The following PIK3C2G variants were observed in gnomAD, a reference collection of about 807,000 sequenced individuals.
The protein encoded by PIK3C2G is phosphatidylinositol 3-kinase C2 domain-containing subunit gamma.
In PIK3C2G, 168 loss-of-function variants were observed where a neutral mutation model predicts 181.1. That is an observed-to-expected ratio of 0.93 (90% CI 0.82 to 1.05). The LOEUF (loss-of-function observed/expected upper bound fraction) is 1.05. Among genes scored for constraint, PIK3C2G ranks in the 50% least tolerant of loss-of-function variants. The pLI, the probability that PIK3C2G is intolerant of heterozygous loss-of-function variation, is 0.00. For synonymous variants in PIK3C2G, 573 were observed against 592.2 expected (o/e 0.97, Z 0.47); for missense variants, 1,869 against 1,732.8 (o/e 1.08, Z -1.40).
intron 1 of PIK3C2G, among the ~76,000 whole-genome samples, chr12:18,270,786 C>T (rs545338378): frequency 9.5e-4 from 145 of 151,842 alleles, no homozygotes; most frequent in African/African-American, 3.5e-3. Flanking sequence ...ACTAACATAC[C>T]AACTCCTTCT....
chr12:18,361,604 C>T (rs891037069), intron 11 of PIK3C2G, among the ~76,000 whole-genome samples: 1 of 151,700 alleles, frequency 6.6e-6, no homozygotes, highest in African/African-American at 2.4e-5. Flanking sequence ...CATATGAGCA[C>T]ATCTTCACTC....
At chr12:18,483,696 A>T (rs1194612870) in intron 18 of PIK3C2G, among the ~76,000 whole-genome samples, 1 of 152,006 alleles carries the variant, frequency 6.6e-6, no homozygotes, top group East Asian at 1.9e-4. Context: ...GAGAATGTTT[A>T]AAAAAATGTG....
At chr12:18,701,380 ATAGAC>A in the PIK3C2G span, 15 of 1,517,332 alleles carry the variant, frequency 9.9e-6, no homozygotes, top group African/African-American at 8.4e-5. Flanking sequence ...ATTGTAAATG[ATAGAC>A]TAGAGTTTTT....
intron 23 of PIK3C2G, among the ~76,000 whole-genome samples, chr12:18,504,771 A>G (rs1941713716): frequency 6.6e-6 from 1 of 152,246 alleles, no homozygotes; most frequent in South Asian, 2.1e-4. Context: ...GTACTATACC[A>G]AACAGCTTCA....
rs76369221 is a variant in PIK3C2G at position 18,357,970 on chromosome 12, T to G, written c.1626-4794T>G. On this transcript the variant is annotated intron_variant, in intron 11 of 32. Transcript: ENST00000538779. ...TGAATAATATATCATTGTATGTATA[T>G]ACCATGTTTTCTTCATCTATTCACC... Among the ~76,000 whole-genome samples, 28 of 152,372 alleles carry G rather than the reference T, an allele frequency of 1.8e-4. No individual in the cohort carries two copies. The East Asian group carries it at 4.4e-3, about 24-fold the overall frequency.
chr12:18,252,345 G>A (rs924607741), intron 1 of PIK3C2G, among the ~76,000 whole-genome samples: 1 of 152,034 alleles, frequency 6.6e-6, no homozygotes, highest in Non-Finnish European at 1.5e-5. Context: ...ACCCAAGACC[G>A]CATAATCCAA....
chr12:18,602,931 A>G (rs571122398), intron 30 of PIK3C2G, among the ~76,000 whole-genome samples: 42 of 152,298 alleles, frequency 2.8e-4, no homozygotes, highest in Admixed American at 4.6e-4. Flanking sequence ...AAGGAACCAG[A>G]AAACCAACCC....
intron 1 of PIK3C2G, among the ~76,000 whole-genome samples, chr12:18,270,920 A>G (rs1244078744): frequency 6.6e-6 from 1 of 152,176 alleles, no homozygotes; most frequent in East Asian, 1.9e-4. Flanking sequence ...TCAATTTGTA[A>G]AATATACAGT....
At chr12:18,617,361 C>T (rs1286542344) in intron 31 of PIK3C2G, among the ~76,000 whole-genome samples, 2 of 152,094 alleles carry the variant, frequency 1.3e-5, no homozygotes, top group African/African-American at 4.8e-5. Context: ...GGTTTTTTGT[C>T]TTCAGTTTCA....
chr12:18,473,496 C>G (rs1027018962), intron 18 of PIK3C2G, among the ~76,000 whole-genome samples: 1 of 152,278 alleles, frequency 6.6e-6, no homozygotes, highest in East Asian at 1.9e-4. Context: ...ATGTCTGCTA[C>G]TTCTTTGCCT....
intron 11 of PIK3C2G, among the ~76,000 whole-genome samples, chr12:18,348,891 C>G (rs981250286): frequency 1.3e-5 from 2 of 152,144 alleles, no homozygotes; most frequent in Admixed American, 1.3e-4. Flanking sequence ...AAACTGTTGA[C>G]TGAGACCACA....
intron 6 of PIK3C2G, among the ~76,000 whole-genome samples, chr12:18,315,975 T>C (rs1443577545): frequency 1.3e-5 from 2 of 151,820 alleles, no homozygotes; most frequent in Non-Finnish European, 2.9e-5. Context: ...GCATGATCGG[T>C]GATTAATAAC....
At chr12:18,574,441 A>G (rs759637825) in intron 29 of PIK3C2G, among the ~76,000 whole-genome samples, 6 of 152,184 alleles carry the variant, frequency 3.9e-5, no homozygotes, top group Non-Finnish European at 7.4e-5. Flanking sequence ...TAAAATGCCT[A>G]TTATCAAGTT....
At chr12:18,641,564 T>C (rs1294267946) in intron 32 of PIK3C2G, among the ~76,000 whole-genome samples, 2 of 152,114 alleles carry the variant, frequency 1.3e-5, no homozygotes, top group Non-Finnish European at 2.9e-5. Flanking sequence ...CTCATTTTCC[T>C]TCATTGTTAT....
chr12:18,383,990 T>TA (rs1459683709), intron 14 of PIK3C2G, among the ~76,000 whole-genome samples: 5 of 136,644 alleles, frequency 3.7e-5, no homozygotes, highest in East Asian at 2.0e-4. Context: ...TATTATTATT[T>TA]TTTTTTTTTT....
chr12:18,650,736 A>C (rs540827122), downstream of PIK3C2G, among the ~76,000 whole-genome samples: 10 of 29,524 alleles, frequency 3.4e-4, no homozygotes, highest in South Asian at 1.4e-3. Context: ...ATATATATAT[A>C]TATATATATA....
intron 12 of PIK3C2G, among the ~76,000 whole-genome samples, chr12:18,363,923 T>G (rs1941454186): frequency 6.6e-6 from 1 of 152,190 alleles, no homozygotes; most frequent in Admixed American, 6.5e-5. Flanking sequence ...TCTCCCCTTC[T>G]TTGGGTAAGG....
intron 24 of PIK3C2G, among the ~76,000 whole-genome samples, chr12:18,522,477 T>A (rs1357876057): frequency 6.6e-6 from 1 of 151,962 alleles, no homozygotes. Context: ...TTTTCCCTCA[T>A]TTCTGAAGGA....
chr12:18,300,518 G>A (rs1950131251), intron 5 of PIK3C2G, among the ~76,000 whole-genome samples: 1 of 151,912 alleles, frequency 6.6e-6, no homozygotes, highest in Admixed American at 6.6e-5. Flanking sequence ...CTTTATAAGT[G>A]ACATTTCTTG....
Sources: allele counts gnomAD v4.1 joint callset (sites outside exome capture counted in the v4.1 genomes callset), GRCh38; gene constraint gnomAD v4.1.1; transcripts MANE v1.5; gene names NCBI Gene and HGNC (gene_info 2026-07-23, HGNC 2026-07-21).